The following PPP4R4 variants were observed in gnomAD, a reference collection of about 807,000 sequenced individuals.
The protein encoded by PPP4R4 is protein phosphatase 4 regulatory subunit 4.
A neutral mutation model predicts 121.8 loss-of-function variants in PPP4R4; 70 were observed. The observed-to-expected ratio is 0.57, with a 90% confidence interval of 0.47 to 0.70. The LOEUF is 0.70. PPP4R4 is among the 30% of genes least tolerant of loss of function. The pLI, the probability that PPP4R4 is intolerant of heterozygous loss-of-function variation, is 0.00. For missense variants in PPP4R4, 875 were observed against 1,033.6 expected (o/e 0.85, Z 2.10); for synonymous variants, 348 against 355.7 (o/e 0.98, Z 0.24).
chr14:94,240,193 T>A (rs879736442), intron 8 of PPP4R4, among the ~76,000 whole-genome samples: 3 of 152,190 alleles, frequency 2.0e-5, no homozygotes, highest in Non-Finnish European at 4.4e-5. Context: ...GTAAAAGTGA[T>A]GAAATTCAAT....
At chr14:94,277,290 A>G (rs1307660424) in intron 24 of PPP4R4, among the ~76,000 whole-genome samples, 3 of 152,208 alleles carry the variant, frequency 2.0e-5, no homozygotes, top group Admixed American at 6.5e-5. Context: ...AACAAGAGTG[A>G]AACTCCGTCT....
At chr14:94,190,180 T>G (rs1889518506) in intron 2 of PPP4R4, among the ~76,000 whole-genome samples, 2 of 152,014 alleles carry the variant, frequency 1.3e-5, no homozygotes, top group Non-Finnish European at 2.9e-5. Flanking sequence ...ACACCTGGTT[T>G]GTTTGTTTGT....
intron 1 of PPP4R4, among the ~76,000 whole-genome samples, chr14:94,174,996 C>T (rs1242855559): frequency 7.0e-6 from 1 of 143,880 alleles, no homozygotes; most frequent in Non-Finnish European, 1.5e-5. Context: ...AAAGGAGCTG[C>T]CCCTCGAGGC....
At position 94,186,538 on chromosome 14, in the gene PPP4R4, T is replaced by C. The variant is rs1485422367; in HGVS notation, c.191+10411T>C. The stretch of plus-strand genomic sequence containing the variant: ...ATTTGGGTAATTTTCAGTTTTCAGC[T>C]ATTACAAACTTAGTGACTATACACA... On this transcript the variant is annotated intron_variant, in intron 2 of 24. Transcript: ENST00000304338. Among the ~76,000 whole-genome samples the C allele has an allele frequency of 2.0e-5, 3 of 152,388 alleles. No homozygotes were observed. In the East Asian group the frequency reaches 5.8e-4, roughly 29 times the overall value.
intron 23 of PPP4R4, among the ~76,000 whole-genome samples, chr14:94,267,622 A>C (rs1412827917): frequency 6.6e-6 from 1 of 152,204 alleles, no homozygotes; most frequent in Non-Finnish European, 1.5e-5. Context: ...CCTCTGGTTT[A>C]TATAATAGAG....
At chr14:94,189,320 A>T (rs1006228272) in intron 2 of PPP4R4, among the ~76,000 whole-genome samples, 2 of 152,290 alleles carry the variant, frequency 1.3e-5, no homozygotes, top group South Asian at 4.1e-4. Context: ...TGAACATTTC[A>T]TTGTATTCTA....
At chr14:94,272,408 A>G (rs567540850) in intron 23 of PPP4R4, among the ~76,000 whole-genome samples, 15 of 152,344 alleles carry the variant, frequency 9.8e-5, no homozygotes, top group Non-Finnish European at 2.1e-4. Context: ...ACAATGGAGA[A>G]AAGATAGTCT....
At chr14:94,178,203 G>A (rs1200282967) in intron 2 of PPP4R4, among the ~76,000 whole-genome samples, 10 of 152,112 alleles carry the variant, frequency 6.6e-5, no homozygotes, top group South Asian at 4.2e-4. Context: ...TATTGAGCCT[G>A]CTATTGTAGA....
At chr14:94,256,756 G>T in intron 17 of PPP4R4, 152 bp downstream of exon 17, 5 of 904,308 alleles carry the variant, frequency 5.5e-6, no homozygotes, top group Non-Finnish European at 7.9e-6. Context: ...TGGTTGATAT[G>T]TGCTACAACT....
intron 14 of PPP4R4, among the ~76,000 whole-genome samples, chr14:94,247,002 T>C (rs1368615440): frequency 6.6e-6 from 1 of 152,180 alleles, no homozygotes; most frequent in East Asian, 1.9e-4. Flanking sequence ...TGGTTACTTT[T>C]AGAGTGTGGC....
chr14:94,238,517 A>G (rs1473530802), intron 8 of PPP4R4, among the ~76,000 whole-genome samples: 1 of 152,018 alleles, frequency 6.6e-6, no homozygotes, highest in African/African-American at 2.4e-5. Flanking sequence ...CCATTGGGGG[A>G]GAAATTTGGG....
At chr14:94,248,581 G>A (rs1325124006) in intron 14 of PPP4R4, among the ~76,000 whole-genome samples, 1 of 152,108 alleles carries the variant, frequency 6.6e-6, no homozygotes, top group East Asian at 1.9e-4. Context: ...TGAATAGCCA[G>A]CGCAATCTTC....
chr14:94,278,544 T>A, intron 24 of PPP4R4, 75 bp from the exon 25 acceptor site: 1 of 908,960 alleles, frequency 1.1e-6, no homozygotes. Flanking sequence ...TTTTTCATAT[T>A]TTTTTCTTTT....
chr14:94,233,677 G>A lies in PPP4R4; in HGVS notation c.541G>A (p.Ala181Thr). The A allele has an allele frequency of 6.3e-7, 1 of 1,596,888 alleles. No homozygotes were observed. The highest frequency in any genetic ancestry group is 8.5e-7 in the Non-Finnish European group (1 of 1,171,692). ...HEILNPLVSK[A>T]QLSQTVQSRL... ...GATTTTGAATCCACTTGTTTCCAAG[G>A]CACAACTTTCCCAAACAGTCCAGTC... The change falls in exon 6 of 25, where the codon GCA becomes ACA. Residue 181 changes from alanine to threonine, a missense_variant. Transcript: ENST00000304338.
At chr14:94,251,157 T>C (rs1232430129) in intron 15 of PPP4R4, among the ~76,000 whole-genome samples, 1 of 152,074 alleles carries the variant, frequency 6.6e-6, no homozygotes, top group Non-Finnish European at 1.5e-5. Flanking sequence ...TGAACATTTA[T>C]GTAAAAAGTA....
chr14:94,260,275 A>C (rs2139628616), intron 19 of PPP4R4, among the ~76,000 whole-genome samples: 1 of 152,088 alleles, frequency 6.6e-6, no homozygotes, highest in South Asian at 2.1e-4. Context: ...AAATACAAAA[A>C]ATTAGCTGGG....
At chr14:94,271,074 A>G (rs932104153) in intron 23 of PPP4R4, among the ~76,000 whole-genome samples, 1 of 152,202 alleles carries the variant, frequency 6.6e-6, no homozygotes, top group East Asian at 1.9e-4. Context: ...AGATGGGTTC[A>G]CTGATAAATT....
chr14:94,259,261 A>C (rs1201186196), intron 18 of PPP4R4, 34 bp from the exon 19 acceptor site: 1 of 1,582,914 alleles, frequency 6.3e-7, no homozygotes, highest in South Asian at 1.2e-5. Flanking sequence ...ACTCATCACT[A>C]ATGTTTCACA....
intron 2 of PPP4R4, among the ~76,000 whole-genome samples, chr14:94,193,724 T>C (rs950774843): frequency 4.6e-5 from 7 of 152,052 alleles, no homozygotes; most frequent in African/African-American, 1.4e-4. Context: ...AATAGAAAAG[T>C]AGAAAAATAA....
Sources: allele counts gnomAD v4.1 joint callset (sites outside exome capture counted in the v4.1 genomes callset), GRCh38; gene constraint gnomAD v4.1.1; transcripts MANE v1.5; gene names NCBI Gene and HGNC (gene_info 2026-07-23, HGNC 2026-07-21).